NTM: variants seen among roughly 807,000 people sequenced by gnomAD.
NTM encodes the protein neurotrimin, also known as IgLON family member 2.
Under a neutral mutation model 42.1 loss-of-function variants are expected in NTM, and 13 were observed. The observed-to-expected ratio is 0.31, with a 90% CI of 0.20 to 0.49. NTM has a LOEUF of 0.49. NTM is among the 20% of genes least tolerant of loss of function. The probability of loss-of-function intolerance (pLI) is 0.99; values close to 1 mark genes in which losing one functional copy is unlikely to be tolerated. For synonymous variants in NTM, 187 were observed against 179.2 expected (o/e 1.04, Z -0.35); for missense variants, 373 against 452.8 (o/e 0.82, Z 1.60).
intron 2 of NTM, among the ~76,000 whole-genome samples, chr11:131,928,732 C>G (rs1318843232): frequency 6.6e-6 from 1 of 150,784 alleles, no homozygotes; most frequent in Admixed American, 6.6e-5. Flanking sequence ...TGTGTTTTGT[C>G]CCACTGCAAA....
intron 2 of NTM, among the ~76,000 whole-genome samples, chr11:132,019,944 G>A (rs2135511634): frequency 6.6e-6 from 1 of 151,740 alleles, no homozygotes; most frequent in African/African-American, 2.4e-5. Context: ...TCTCTCACCT[G>A]CATAGTGTGT....
intron 7 of NTM, among the ~76,000 whole-genome samples, chr11:132,322,426 CAAAG>C (rs1319194977): frequency 3.6e-5 from 5 of 140,738 alleles, no homozygotes; most frequent in Non-Finnish European, 7.7e-5. Flanking sequence ...TCAAAAGAGA[CAAAG>C]AAGGCCATTA....
At position 132,243,462 on chromosome 11, in the gene NTM, C is replaced by A. The variant is rs557735334; in HGVS notation, c.526+31315C>A. Among the ~76,000 whole-genome samples the A allele has an allele frequency of 3.3e-5, 5 of 152,250 alleles. No individual in the cohort carries two copies. In the East Asian group the frequency reaches 9.7e-4, roughly 30 times the overall value. The stretch of plus-strand genomic sequence containing the variant: ...GTTCCTACTCTTGCTCTGAATAATT[C>A]TCTGTGGGGCTGGCCTGGGAGTGCA... On this transcript the variant is annotated intron_variant, in intron 4 of 8. Coordinates refer to ENST00000683400, the MANE Select transcript of NTM (RefSeq NM_001352005.2).
At chr11:131,979,944 TAGGC>T (rs1289183228) in intron 2 of NTM, among the ~76,000 whole-genome samples, 2 of 152,326 alleles carry the variant, frequency 1.3e-5, no homozygotes, top group South Asian at 2.1e-4. Flanking sequence ...TTAATATAGA[TAGGC>T]AGGTAGGTGA....
intron 1 of NTM, among the ~76,000 whole-genome samples, chr11:131,574,046 C>T (rs961921179): frequency 2.0e-5 from 3 of 152,106 alleles, no homozygotes; most frequent in East Asian, 3.9e-4. Context: ...GGCTTCAGCA[C>T]GTGGGTGTTG....
chr11:131,560,766 GT>G (rs2056122413), intron 1 of NTM, among the ~76,000 whole-genome samples: 1 of 152,124 alleles, frequency 6.6e-6, no homozygotes, highest in Non-Finnish European at 1.5e-5. Flanking sequence ...AGCTGTATTT[GT>G]TGAATCTATT....
rs2084030554 is a variant in NTM at position 132,217,211 on chromosome 11, G to A, written c.526+5064G>A. 1.3e-5 allele frequency among the ~76,000 whole-genome samples: 2 copies of A among 151,938 alleles called. 1 individual carries two copies. The highest frequency in any genetic ancestry group is 4.1e-4 in the South Asian group (2 of 4,824). On this transcript the variant is annotated intron_variant, in intron 4 of 8. Coordinates refer to ENST00000683400, the MANE Select transcript of NTM (RefSeq NM_001352005.2). ...TAAGGCAATCCCGATATCACCTGGGGGATTATTTCAACTGTATATGAAAAT... is the reference window on the plus strand; with the variant it reads ...TAAGGCAATCCCGATATCACCTGGGAGATTATTTCAACTGTATATGAAAAT...
At chr11:132,265,684 A>G (rs933938611) in intron 4 of NTM, among the ~76,000 whole-genome samples, 1 of 152,226 alleles carries the variant, frequency 6.6e-6, no homozygotes, top group African/African-American at 2.4e-5. Context: ...TGGCATGATC[A>G]TTGTGATGGT....
chr11:131,999,353 G>C (rs114789150), intron 2 of NTM, among the ~76,000 whole-genome samples: 1 of 152,250 alleles, frequency 6.6e-6, no homozygotes, highest in African/African-American at 2.4e-5. Context: ...CAAGCAGCAC[G>C]AGGTATCTTA....
At chr11:131,452,553 T>C (rs1444703156) in intron 1 of NTM, among the ~76,000 whole-genome samples, 1 of 152,220 alleles carries the variant, frequency 6.6e-6, no homozygotes, top group East Asian at 1.9e-4. Context: ...TTTGCCATCT[T>C]GTAAAGCTAT....
chr11:131,911,426 C>A, intron 1 of NTM, 138 bp from the exon 2 acceptor site: 1 of 1,610,860 alleles, frequency 6.2e-7, no homozygotes, highest in East Asian at 2.2e-5. Flanking sequence ...CTGTGCTCGC[C>A]CGGGGGGCGT....
chr11:132,210,938 G>C (rs1001722231), intron 3 of NTM, among the ~76,000 whole-genome samples: 10 of 152,154 alleles, frequency 6.6e-5, no homozygotes, highest in African/African-American at 1.9e-4. Context: ...GAGTCATTTA[G>C]TGGAGAAAGA....
At chr11:131,834,643 T>TATATATATATATATATATATATATAC (rs1335577704) in intron 1 of NTM, among the ~76,000 whole-genome samples, 1 of 147,512 alleles carries the variant, frequency 6.8e-6, no homozygotes, top group Non-Finnish European at 1.5e-5. Context: ...TATATATATA[T>TATATATATATATATATATATATATAC]ATGTATAATC....
chr11:131,849,182 C>T (rs985285184), intron 1 of NTM, among the ~76,000 whole-genome samples: 10 of 152,172 alleles, frequency 6.6e-5, no homozygotes, highest in African/African-American at 2.2e-4. Context: ...GTAGATCCTG[C>T]TCCCAGGAAA....
intron 1 of NTM, among the ~76,000 whole-genome samples, chr11:131,506,463 A>C (rs2047506612): frequency 6.6e-6 from 1 of 152,210 alleles, no homozygotes; most frequent in South Asian, 2.1e-4. Flanking sequence ...GCCATTCTGC[A>C]GTTACTGAGA....
chr11:132,307,600 CAT>C, intron 4 of NTM, 87 bp from the exon 5 acceptor site: 1 of 1,555,926 alleles, frequency 6.4e-7, no homozygotes. Context: ...TATCTGCAGA[CAT>C]AACCATTTTA....
chr11:132,031,793 G>A (rs75788414), intron 2 of NTM, among the ~76,000 whole-genome samples: 2 of 152,078 alleles, frequency 1.3e-5, no homozygotes, highest in African/African-American at 4.8e-5. Context: ...ACATGTCTTG[G>A]ATGTTGAAAA....
chr11:131,696,406 G>C (rs1166284215), intron 1 of NTM, among the ~76,000 whole-genome samples: 1 of 152,174 alleles, frequency 6.6e-6, no homozygotes, highest in Non-Finnish European at 1.5e-5. Flanking sequence ...TTACTTACTA[G>C]GCTCCAAAGA....
intron 4 of NTM, among the ~76,000 whole-genome samples, chr11:132,305,453 G>C (rs2095043826): frequency 6.6e-6 from 1 of 152,140 alleles, no homozygotes; most frequent in South Asian, 2.1e-4. Flanking sequence ...AAATTACACT[G>C]GTAATTCGAG....
Sources: allele counts gnomAD v4.1 joint callset (sites outside exome capture counted in the v4.1 genomes callset), GRCh38; gene constraint gnomAD v4.1.1; transcripts MANE v1.5; gene names NCBI Gene and HGNC (gene_info 2026-07-23, HGNC 2026-07-21).